Variants in VDAC1 observed in about 807,000 individuals in gnomAD.
VDAC1 encodes the protein voltage dependent anion channel 1.
In VDAC1, 10 loss-of-function variants were observed where a neutral mutation model predicts 34.7. The ratio of observed to expected loss-of-function variants is 0.29; its 90% CI spans 0.18 to 0.49. The LOEUF is 0.49. Ranked by LOEUF, VDAC1 falls within the 20% of genes least tolerant of loss-of-function variation. The probability of loss-of-function intolerance (pLI) is 0.99; values close to 1 mark genes in which losing one functional copy is unlikely to be tolerated. For missense variants in VDAC1, 230 were observed against 347.9 expected (o/e 0.66, Z 2.69); for synonymous variants, 130 against 136.0 (o/e 0.96, Z 0.30).
the VDAC1 span, among the ~76,000 whole-genome samples, chr5:134,071,288 C>T: frequency 3.3e-5 from 5 of 152,218 alleles, no homozygotes; most frequent in African/African-American, 1.2e-4. This position sits in a 1 kb window ranked among gnomAD's most constrained non-coding sequence, Gnocchi z 4.1. Context: ...CGGGAGGGGG[C>T]AGCCAGCGCG....
At chr5:134,084,981 T>C in the VDAC1 span, among the ~76,000 whole-genome samples, 1 of 152,040 alleles carries the variant, frequency 6.6e-6, no homozygotes, top group Non-Finnish European at 1.5e-5. Context: ...AGCTCTCACC[T>C]CTCTACCTCA....
chr5:134,036,659 T>TA, the VDAC1 span, among the ~76,000 whole-genome samples: 34 of 149,452 alleles, frequency 2.3e-4, no homozygotes, highest in East Asian at 7.8e-4. Context: ...CTGTCTTTTT[T>TA]AAAAAAAAAA....
the VDAC1 span, among the ~76,000 whole-genome samples, chr5:134,072,100 C>G: frequency 6.6e-6 from 1 of 152,122 alleles, no homozygotes; most frequent in Non-Finnish European, 1.5e-5. Flanking sequence ...TCCAGCCCAC[C>G]GATTCCAGGG....
the VDAC1 span, among the ~76,000 whole-genome samples, chr5:134,113,423 T>G: frequency 5.3e-5 from 8 of 152,234 alleles, no homozygotes; most frequent in Non-Finnish European, 1.2e-4. Flanking sequence ...CCAGCCACGC[T>G]GGGCCTGGAC....
chr5:134,068,603 T>C, the VDAC1 span, among the ~76,000 whole-genome samples: 2 of 152,170 alleles, frequency 1.3e-5, no homozygotes, highest in African/African-American at 2.4e-5. Flanking sequence ...TTTTCTGTGG[T>C]TTCTTTTAGG....
At chr5:133,979,803 G>C (rs1752624459) in intron 6 of VDAC1, among the ~76,000 whole-genome samples, 1 of 152,124 alleles carries the variant, frequency 6.6e-6, no homozygotes, top group Non-Finnish European at 1.5e-5. Flanking sequence ...CATGACGACA[G>C]TCAGAATATA....
At chr5:134,036,595 G>A in the VDAC1 span, among the ~76,000 whole-genome samples, 2 of 151,784 alleles carry the variant, frequency 1.3e-5, no homozygotes, top group Admixed American at 6.6e-5. Context: ...GTATAAGGTT[G>A]CAGTGAGCTA....
chr5:134,046,057 A>G, the VDAC1 span, among the ~76,000 whole-genome samples: 3 of 144,664 alleles, frequency 2.1e-5, no homozygotes, highest in Admixed American at 7.1e-5. Flanking sequence ...ATGGAGTCTC[A>G]CTCTGTCACC....
At chr5:134,033,100 A>G in the VDAC1 span, among the ~76,000 whole-genome samples, 4 of 151,894 alleles carry the variant, frequency 2.6e-5, no homozygotes, top group Admixed American at 1.3e-4. Context: ...AGAGGGAAAA[A>G]GAGAAAGAAA....
chr5:134,076,042 A>G, the VDAC1 span, among the ~76,000 whole-genome samples: 1 of 150,314 alleles, frequency 6.7e-6, no homozygotes, highest in Non-Finnish European at 1.5e-5. Context: ...GTGCAATGGC[A>G]TGATCTTGCT....
chr5:134,077,864 T>G, the VDAC1 span, among the ~76,000 whole-genome samples: 1 of 152,218 alleles, frequency 6.6e-6, no homozygotes, highest in East Asian at 1.9e-4. Context: ...GCTCTCCTAC[T>G]AAAGCCAGAG....
chr5:134,036,334 A>G, the VDAC1 span, among the ~76,000 whole-genome samples: 26,453 of 152,068 alleles, frequency 0.17, 3,090 homozygotes, highest in African/African-American at 0.32. Context: ...GCTAAAATGC[A>G]TAACTTCAGT....
At chr5:133,994,933 C>T (rs773966391) in intron 1 of VDAC1, among the ~76,000 whole-genome samples, 18 of 152,236 alleles carry the variant, frequency 1.2e-4, no homozygotes, top group Middle Eastern at 3.4e-3. Flanking sequence ...GCCTTCCCCA[C>T]GACTCTCCCC....
At chr5:133,995,831 G>A (rs566915996) in intron 1 of VDAC1, among the ~76,000 whole-genome samples, 2 of 152,274 alleles carry the variant, frequency 1.3e-5, no homozygotes, top group African/African-American at 4.8e-5. Flanking sequence ...TTTCTAAGGC[G>A]AGGACTGGAG....
At chr5:134,077,019 C>T in the VDAC1 span, among the ~76,000 whole-genome samples, 1 of 152,184 alleles carries the variant, frequency 6.6e-6, no homozygotes, top group South Asian at 2.1e-4. Context: ...TAGCTCACCG[C>T]TGTAATCTCA....
chr5:134,090,643 C>A, the VDAC1 span, among the ~76,000 whole-genome samples: 1 of 152,220 alleles, frequency 6.6e-6, no homozygotes, highest in African/African-American at 2.4e-5. Context: ...CCAACCTCCG[C>A]TCAAGGTCGC....
At chr5:134,036,164 T>C in the VDAC1 span, among the ~76,000 whole-genome samples, 1 of 152,110 alleles carries the variant, frequency 6.6e-6, no homozygotes, top group Non-Finnish European at 1.5e-5. Flanking sequence ...ATTTAATTGA[T>C]TACAAACAGA....
At chr5:134,052,377 G>C in the VDAC1 span, among the ~76,000 whole-genome samples, 1 of 152,124 alleles carries the variant, frequency 6.6e-6, no homozygotes, top group African/African-American at 2.4e-5. Flanking sequence ...CACCCAGGCT[G>C]GAATGCAGTA....
the VDAC1 span, among the ~76,000 whole-genome samples, chr5:134,040,616 T>C: frequency 6.6e-6 from 1 of 150,838 alleles, no homozygotes; most frequent in Non-Finnish European, 1.5e-5. Context: ...CACGTGCCTG[T>C]GGAGGCAGGC....
Sources: allele counts gnomAD v4.1 joint callset (sites outside exome capture counted in the v4.1 genomes callset), GRCh38; gene constraint gnomAD v4.1.1; non-coding constraint Gnocchi (gnomAD v3.1); transcripts MANE v1.5; gene names NCBI Gene and HGNC (gene_info 2026-07-23, HGNC 2026-07-21).